Variants in VPS35 observed in about 807,000 individuals in gnomAD.
VPS35 encodes the protein VPS35 retromer complex component, also known as vacuolar protein sorting-associated protein 35.
A neutral mutation model predicts 98.1 loss-of-function variants in VPS35; 21 were observed. The observed-to-expected ratio is 0.21, with a 90% confidence interval of 0.15 to 0.31. The LOEUF (loss-of-function observed/expected upper bound fraction) is 0.31. VPS35 is among the 10% of genes least tolerant of loss of function. The pLI is 1.00. For synonymous variants in VPS35, 268 were observed against 318.2 expected, an observed-to-expected ratio of 0.84 and a Z score of 1.68; for missense variants, 554 against 950.8, an observed-to-expected ratio of 0.58 and a Z score of 5.49.
rs1378981328 is a variant in VPS35 at position 46,688,683 on chromosome 16, G to A, written c.3+448C>T. 5.6e-6 allele frequency: 6 copies of A among 1,068,758 alleles called. No individual in the cohort carries two copies. The East Asian group carries it at 3.6e-4, about 65-fold the overall frequency. The allele number at this position is 1,068,758 out of a possible 1,614,324, so 66.2% of individuals were successfully genotyped here. A position where few individuals can be genotyped will look rare whatever the true frequency, so the allele number is the denominator to read the frequency against. On this transcript the variant is annotated intron_variant, in intron 1 of 16. Coordinates refer to ENST00000299138, the MANE Select transcript of VPS35 (RefSeq NM_018206.6). ...CCTCCAGGAGGGCGTGGGGACGGCC[G>A]AGCACAACTAGGCACAAAGGTAGAA... is the stretch of plus-strand genomic sequence containing the variant.
intron 1 of VPS35, 80 bp from the exon 2 acceptor site, chr16:46,683,686 CCTT>C (rs1966268165): frequency 1.5e-6 from 2 of 1,366,276 alleles, no homozygotes; most frequent in Non-Finnish European, 2.0e-6. Context: ...TAGCCATAGT[CCTT>C]CTCCAACAAT....
chr16:46,661,653 C>T lies in VPS35; in HGVS notation c.2211+65G>A. ...CAGAATGATAAACTTTTGTACATAT[C>T]AAATCTCCTAAGAGTAGGAAGGGAA... On this transcript the variant is annotated intron_variant, in intron 16 of 16. Coordinates refer to ENST00000299138, the MANE Select transcript of VPS35 (RefSeq NM_018206.6). This position sits in a 1 kb window ranked among gnomAD's most constrained non-coding sequence, Gnocchi z 4.3. 6.9e-7 allele frequency: 1 copy of T among 1,441,108 alleles called. No homozygotes were observed. 89.3% of individuals were successfully genotyped at this position (1,441,108 alleles called of 1,614,324 possible). A position where few individuals can be genotyped will look rare whatever the true frequency, so the allele number is the denominator to read the frequency against.
chr16:46,672,004 A>G lies in VPS35; in HGVS notation c.1369-144T>C, dbSNP rs143866394. 2.4e-4 allele frequency: 279 copies of G among 1,145,240 alleles called. No homozygotes were observed. In the African/African-American group the frequency reaches 4.0e-3, roughly 17 times the overall value. 70.9% of individuals were successfully genotyped at this position (1,145,240 alleles called of 1,614,324 possible). ...TTGGTGAGAAAGTCGATACACATGT[A>G]TGTCATACACACATATACAGACAAA... On this transcript the variant is annotated intron_variant, in intron 11 of 16. Coordinates refer to ENST00000299138, the MANE Select transcript of VPS35 (RefSeq NM_018206.6).
At chr16:46,675,320 T>G (rs1483577569) in intron 8 of VPS35, among the ~76,000 whole-genome samples, 1 of 152,240 alleles carries the variant, frequency 6.6e-6, no homozygotes, top group Non-Finnish European at 1.5e-5. Flanking sequence ...TTTAAGATAC[T>G]GCATTTTTAC....
At position 46,661,275 on chromosome 16, in the gene VPS35, G is replaced by A. The variant is rs1051732138; in HGVS notation, c.2211+443C>T. ...ACGGAGTTTCACTCTTGTTGCCCAG[G>A]CAGGAGTGCAATGGCACAGTCTTGG... On this transcript the variant is annotated intron_variant, in intron 16 of 16. Coordinates refer to ENST00000299138, the MANE Select transcript of VPS35 (RefSeq NM_018206.6). This position sits in a 1 kb window ranked among gnomAD's most constrained non-coding sequence, Gnocchi z 4.3. 6.6e-6 allele frequency among the ~76,000 whole-genome samples: 1 copy of A among 152,196 alleles called. No homozygotes were observed. Among genetic ancestry groups the A allele is most frequent in the Admixed American group, 6.5e-5 (1 of 15,280 alleles).
At chr16:46,676,404 A>T in intron 8 of VPS35, 179 bp downstream of exon 8, 1 of 588,878 alleles carries the variant, frequency 1.7e-6, no homozygotes, top group South Asian at 2.1e-5. Context: ...AGCCTCTTTC[A>T]TGTCTAACCT....
rs748396803 is a variant in VPS35 at position 46,671,835 on chromosome 16, G to C, written c.1394C>G (p.Ser465Cys). The change falls in exon 12 of 17, where the codon TCC (serine) becomes TGC (cysteine). Residue 465 changes from serine (S) to cysteine (C), a missense_variant. Physicochemically the swap from Ser to Cys is moderately radical, Grantham distance 112. Transcript: ENST00000299138. ...ATCTGGCTGATCTTGAATCAACGTG[G>C]ATACCAAATTCATTATGGAATCCAC... ...DQVDSIMNLVSTLIQDQPDQP... is the reference protein window; with the variant it reads ...DQVDSIMNLVCTLIQDQPDQP... The C allele has an allele frequency of 8.1e-6, 13 of 1,612,914 alleles. No homozygotes were observed. The highest frequency in any genetic ancestry group is 9.3e-6 in the Non-Finnish European group (11 of 1,179,978).
rs752414695 is a variant in VPS35 at position 46,660,547 on chromosome 16, G to A, written c.2316C>T (p.Asn772=). The part of the protein sequence containing the change: ...ETEQINKHFH[N]TLEHLRLRRE... ...GCCGCAAGCGCAAATGCTCCAGTGT[G>A]TTATGAAAATGTTTGTTAATCTGCT... Residue 772 remains asparagine, a synonymous_variant, in exon 17 of 17, where the codon AAC becomes AAT. Coordinates refer to ENST00000299138, the MANE Select transcript of VPS35 (RefSeq NM_018206.6). 1 of 1,614,054 alleles carries A rather than the reference G, an allele frequency of 6.2e-7. No individual in the cohort carries two copies. The highest frequency in any genetic ancestry group is 1.1e-5 in the South Asian group (1 of 91,080).
chr16:46,678,626 G>A (rs1275005383), intron 6 of VPS35, among the ~76,000 whole-genome samples: 3 of 152,056 alleles, frequency 2.0e-5, no homozygotes, highest in Admixed American at 1.3e-4. Flanking sequence ...TTTCAAATTC[G>A]TTGTAGCTGT....
intron 10 of VPS35, 53 bp downstream of exon 10, chr16:46,674,261 A>C: frequency 3.1e-6 from 5 of 1,600,634 alleles, no homozygotes; most frequent in Non-Finnish European, 4.3e-6. Flanking sequence ...AAGAAAAGCA[A>C]ATCTAGGACA....
At chr16:46,671,494 T>TG (rs957951623) in intron 12 of VPS35, among the ~76,000 whole-genome samples, 3 of 151,988 alleles carry the variant, frequency 2.0e-5, no homozygotes, top group African/African-American at 4.8e-5. Context: ...TTTTTCGAGA[T>TG]GGAGTCTCGC....
intron 5 of VPS35, 109 bp from the exon 6 acceptor site, chr16:46,679,265 A>G: frequency 9.7e-7 from 1 of 1,030,506 alleles, no homozygotes; most frequent in African/African-American, 1.6e-5. Context: ...AATGCTTTAT[A>G]AAAAATCACT....
intron 13 of VPS35, 85 bp from the exon 14 acceptor site, chr16:46,663,247 G>C (rs1293203871): frequency 8.0e-7 from 1 of 1,243,718 alleles, no homozygotes; most frequent in East Asian, 2.5e-5. Context: ...ACAAAATACT[G>C]TAAGTTGTGT....
At position 46,658,893 on chromosome 16, in the gene VPS35, A is replaced by G. The variant is rs1337343446; in HGVS notation, c.*1579T>C. Reference sequence around the variant, plus strand: ...GTGATGTAGTCATTTGAAAATGTCTATAAATTTTCCCTTTAAGAGGTGGAG... The same window carrying G: ...GTGATGTAGTCATTTGAAAATGTCTGTAAATTTTCCCTTTAAGAGGTGGAG... On this transcript the variant is annotated 3_prime_UTR_variant, in exon 17 of 17. Coordinates refer to ENST00000299138, the MANE Select transcript of VPS35 (RefSeq NM_018206.6). The G allele has an allele frequency of 1.3e-5, 2 of 152,230 alleles. No homozygotes were observed. Among genetic ancestry groups the G allele is most frequent in the African/African-American group, 4.8e-5 (2 of 41,464 alleles). The allele number at this position is 152,230 out of a possible 1,614,324, so 9.4% of individuals were successfully genotyped here. A position where few individuals can be genotyped will look rare whatever the true frequency, so the allele number is the denominator to read the frequency against.
chr16:46,682,507 C>T (rs1344039332), intron 2 of VPS35: 3 of 294,936 alleles, frequency 1.0e-5, no homozygotes, highest in Non-Finnish European at 2.0e-5. Context: ...CATACTGATT[C>T]AGGTGAAGGA....
At chr16:46,664,363 G>T (rs1037481952) in intron 13 of VPS35, among the ~76,000 whole-genome samples, 2 of 151,908 alleles carry the variant, frequency 1.3e-5, no homozygotes, top group African/African-American at 2.4e-5. Flanking sequence ...CACCTTATCG[G>T]CCAGGCTAGT....
rs1966025432 is a variant in VPS35 at position 46,668,786 on chromosome 16, TAG to T, written c.1647+142_1647+143del. On this transcript the variant is annotated intron_variant, in intron 13 of 16. Coordinates refer to ENST00000299138, the MANE Select transcript of VPS35 (RefSeq NM_018206.6). ...CACTTAGCACAGGATAAGTAACAAA[TAG>T]AGAGTTGGCGAAAATGGGATTTTAT... 18 of 1,145,226 alleles carry T rather than the reference TAG, an allele frequency of 1.6e-5. No individual in the cohort carries two copies. The South Asian group carries it at 1.7e-4, about 11-fold the overall frequency. The allele number at this position is 1,145,226 out of a possible 1,614,324, so 70.9% of individuals were successfully genotyped here. A position where few individuals can be genotyped will look rare whatever the true frequency, so the allele number is the denominator to read the frequency against.
At position 46,679,781 on chromosome 16, in the gene VPS35, G is replaced by C. The variant is rs16947204; in HGVS notation, c.507-625C>G. On this transcript the variant is annotated intron_variant, in intron 5 of 16. Transcript: ENST00000299138. ...GATTGCCTAATTAAATGCTCAAAAC[G>C]GACACTCAAAACATAATAAAGCAAG... 6.5e-3 allele frequency among the ~76,000 whole-genome samples: 984 copies of C among 152,112 alleles called. 16 individuals are homozygous for C. The highest frequency in any genetic ancestry group is 0.023 in the African/African-American group (945 of 41,486).
chr16:46,672,595 CA>C, intron 10 of VPS35, 123 bp from the exon 11 acceptor site: 1 of 765,152 alleles, frequency 1.3e-6, no homozygotes, highest in South Asian at 1.7e-5. Flanking sequence ...TCAAGTGAAT[CA>C]TACCACCACA....
Sources: allele counts gnomAD v4.1 joint callset (sites outside exome capture counted in the v4.1 genomes callset), GRCh38; gene constraint gnomAD v4.1.1; non-coding constraint Gnocchi (gnomAD v3.1); transcripts MANE v1.5; gene names NCBI Gene and HGNC (gene_info 2026-07-23, HGNC 2026-07-21).